Variants in SLIT2 observed in about 807,000 individuals in gnomAD.
The protein encoded by SLIT2 is slit homolog 2 protein.
Under a neutral mutation model 185.7 loss-of-function variants are expected in SLIT2, and 41 were observed. That is an observed-to-expected ratio of 0.22 (90% confidence interval 0.17 to 0.29). SLIT2 has a LOEUF of 0.29. Ranked by LOEUF, SLIT2 falls within the 10% of genes least tolerant of loss-of-function variation. SLIT2 has a pLI of 1.00. For missense variants in SLIT2, 1,571 were observed against 1,909.0 expected (o/e 0.82, Z 3.30); for synonymous variants, 693 against 680.2 (o/e 1.02, Z -0.29).
intron 9 of SLIT2, among the ~76,000 whole-genome samples, chr4:20,496,321 A>G (rs1448573291): frequency 1.3e-5 from 2 of 152,224 alleles, no homozygotes; most frequent in Non-Finnish European, 2.9e-5. Flanking sequence ...AGTCAGAATT[A>G]GAATAATTTG....
intron 4 of SLIT2, among the ~76,000 whole-genome samples, chr4:20,315,132 T>C (rs1285930641): frequency 2.0e-5 from 3 of 152,134 alleles, no homozygotes; most frequent in Non-Finnish European, 2.9e-5. Context: ...TTCAATACTG[T>C]GTATATTATT....
At chr4:20,547,714 T>G (rs1723370961) in intron 22 of SLIT2, among the ~76,000 whole-genome samples, 1 of 150,116 alleles carries the variant, frequency 6.7e-6, no homozygotes, top group Non-Finnish European at 1.5e-5. Flanking sequence ...TATATATATT[T>G]TAATATATTT....
At chr4:20,556,120 A>G (rs1383397720) in intron 26 of SLIT2, among the ~76,000 whole-genome samples, 1 of 152,010 alleles carries the variant, frequency 6.6e-6, no homozygotes, top group African/African-American at 2.4e-5. Context: ...CTCTGGGATT[A>G]TGTGCATTGA....
intron 4 of SLIT2, among the ~76,000 whole-genome samples, chr4:20,463,462 T>TATATATATATATAG (rs1713958203): frequency 3.0e-5 from 2 of 66,874 alleles, no homozygotes; most frequent in African/African-American, 1.1e-4. Context: ...TATATATATA[T>TATATATATATATAG]ATATATATAT....
intron 4 of SLIT2, among the ~76,000 whole-genome samples, chr4:20,410,787 T>C (rs1727191458): frequency 6.6e-6 from 1 of 152,142 alleles, no homozygotes; most frequent in East Asian, 1.9e-4. Flanking sequence ...AGTCTGTTCT[T>C]ATACCAGTAT....
chr4:20,490,218 A>T (rs1226062803), intron 8 of SLIT2, among the ~76,000 whole-genome samples: 1 of 152,222 alleles, frequency 6.6e-6, no homozygotes, highest in African/African-American at 2.4e-5. Context: ...TTTCACATAT[A>T]TTTACCTCAC....
chr4:20,384,727 C>T (rs1016015577), intron 4 of SLIT2, among the ~76,000 whole-genome samples: 3 of 152,078 alleles, frequency 2.0e-5, no homozygotes, highest in Admixed American at 6.6e-5. Flanking sequence ...AGCACATACT[C>T]GCCAAAAATT....
chr4:20,331,373 A>C (rs1264097918), intron 4 of SLIT2, among the ~76,000 whole-genome samples: 1 of 152,164 alleles, frequency 6.6e-6, no homozygotes, highest in Non-Finnish European at 1.5e-5. Flanking sequence ...GATCTTCAGG[A>C]GTAAACTAGT....
chr4:20,476,972 A>G (rs1404136673), intron 5 of SLIT2, among the ~76,000 whole-genome samples: 1 of 152,094 alleles, frequency 6.6e-6, no homozygotes, highest in Non-Finnish European at 1.5e-5. Flanking sequence ...AATTATTTTT[A>G]GTATTAAAGA....
chr4:20,566,231 C>T (rs75175237), intron 26 of SLIT2, among the ~76,000 whole-genome samples: 1,631 of 152,082 alleles, frequency 0.011, 27 homozygotes, highest in South Asian at 0.036. Flanking sequence ...ATTATTGCTG[C>T]TTGTTCCAGT....
At chr4:20,534,373 GA>G (rs954265284) in intron 18 of SLIT2, among the ~76,000 whole-genome samples, 12 of 152,022 alleles carry the variant, frequency 7.9e-5, no homozygotes, top group African/African-American at 1.7e-4. Flanking sequence ...GTGTTTGGGG[GA>G]AAAAATTATA....
chr4:20,515,855 A>G (rs1198065915), intron 11 of SLIT2, among the ~76,000 whole-genome samples: 2 of 151,888 alleles, frequency 1.3e-5, no homozygotes, highest in Non-Finnish European at 2.9e-5. Flanking sequence ...TCGCACTGTC[A>G]CCGAGGCTGG....
chr4:20,529,721 A>G (rs1230176530), intron 16 of SLIT2, among the ~76,000 whole-genome samples: 1 of 152,244 alleles, frequency 6.6e-6, no homozygotes, highest in Admixed American at 6.5e-5. Context: ...TACAGATTCT[A>G]TGCCCATGCA....
intron 17 of SLIT2, among the ~76,000 whole-genome samples, 192 bp downstream of exon 17, chr4:20,532,250 T>C (rs1473983755): frequency 6.6e-6 from 1 of 152,196 alleles, no homozygotes; most frequent in African/African-American, 2.4e-5. Context: ...AATCACATTT[T>C]CTGTAGCAGA....
chr4:20,396,957 C>T (rs564522226), intron 4 of SLIT2, among the ~76,000 whole-genome samples: 1 of 150,376 alleles, frequency 6.6e-6, no homozygotes, highest in Admixed American at 6.7e-5. Flanking sequence ...GATTATCATT[C>T]AATCAAAATA....
intron 4 of SLIT2, among the ~76,000 whole-genome samples, chr4:20,387,965 T>C (rs994186576): frequency 9.9e-5 from 15 of 151,564 alleles, no homozygotes; most frequent in Non-Finnish European, 1.5e-5. Context: ...ATCATATTAA[T>C]AAACTAAAAA....
chr4:20,515,249 C>T (rs1049338428), intron 11 of SLIT2, among the ~76,000 whole-genome samples: 1 of 152,110 alleles, frequency 6.6e-6, no homozygotes, highest in Non-Finnish European at 1.5e-5. Flanking sequence ...ACGGAGTAAA[C>T]ATCAAGAAAT....
intron 4 of SLIT2, among the ~76,000 whole-genome samples, chr4:20,451,011 A>C (rs1431913750): frequency 2.0e-5 from 3 of 152,362 alleles, no homozygotes; most frequent in Non-Finnish European, 4.4e-5. Context: ...CAGAAGGATA[A>C]GAACTTTATA....
chr4:20,256,530 T>G (rs1272239391), intron 1 of SLIT2, 142 bp from the exon 2 acceptor site: 2 of 512,530 alleles, frequency 3.9e-6, no homozygotes, highest in African/African-American at 4.0e-5. Context: ...CTTTTAAAGG[T>G]TATCCTCTTC....
Sources: gnomAD v4.1 joint callset for allele counts (sites outside exome capture counted in the v4.1 genomes callset) on GRCh38, gnomAD v4.1.1 for gene constraint, MANE v1.5 for transcripts, NCBI Gene and HGNC (gene_info 2026-07-23, HGNC 2026-07-21) for gene names.